Variants in RBMS3 observed in about 807,000 individuals in gnomAD.
The protein encoded by RBMS3 is RNA binding motif single stranded interacting protein 3.
In RBMS3, 27 loss-of-function variants were observed where a neutral mutation model predicts 66.8. The ratio of observed to expected loss-of-function variants is 0.40; its 90% CI spans 0.30 to 0.56. RBMS3 has a LOEUF of 0.56. Ranked by LOEUF, RBMS3 falls within the 20% of genes least tolerant of loss-of-function variation. The probability of loss-of-function intolerance (pLI) is 0.40; values close to 1 mark genes in which losing one functional copy is unlikely to be tolerated. For missense variants in RBMS3, 513 were observed against 549.5 expected (o/e 0.93, Z 0.66); for synonymous variants, 188 against 183.0 (o/e 1.03, Z -0.22).
At chr3:29,391,992 G>A (rs1219307679) in intron 1 of RBMS3, among the ~76,000 whole-genome samples, 1 of 152,190 alleles carries the variant, frequency 6.6e-6, no homozygotes, top group Non-Finnish European at 1.5e-5. Context: ...GCTCACGCCT[G>A]TAATCCCAGC....
intron 4 of RBMS3, among the ~76,000 whole-genome samples, chr3:29,593,478 C>T (rs1180682371): frequency 6.6e-6 from 1 of 152,104 alleles, no homozygotes; most frequent in Non-Finnish European, 1.5e-5. Flanking sequence ...TCCAGGGTAA[C>T]TTGAGCAGGC....
intron 2 of RBMS3, among the ~76,000 whole-genome samples, chr3:29,458,834 A>T (rs1017468828): frequency 6.6e-6 from 1 of 152,210 alleles, no homozygotes; most frequent in Non-Finnish European, 1.5e-5. Context: ...TGTAAGCAGG[A>T]TGAATATTAC....
At chr3:29,780,322 A>C (rs1398591848) in intron 6 of RBMS3, among the ~76,000 whole-genome samples, 1 of 151,430 alleles carries the variant, frequency 6.6e-6, no homozygotes, top group Non-Finnish European at 1.5e-5. Context: ...CAGATAACAA[A>C]AAAAAAAAAA....
At chr3:29,540,939 A>C (rs994042640) in intron 3 of RBMS3, among the ~76,000 whole-genome samples, 22 of 151,880 alleles carry the variant, frequency 1.4e-4, no homozygotes, top group Non-Finnish European at 2.9e-4. Context: ...GTGTTTCCCT[A>C]CTCCCCTAAA....
chr3:30,001,719 G>T (rs979692454), intron 14 of RBMS3, among the ~76,000 whole-genome samples: 7 of 151,608 alleles, frequency 4.6e-5, no homozygotes, highest in Admixed American at 6.6e-5. Context: ...GTTTGCAATT[G>T]ATTTCCATAC....
intron 4 of RBMS3, among the ~76,000 whole-genome samples, chr3:29,622,200 T>C (rs1413530201): frequency 1.3e-5 from 2 of 152,206 alleles, no homozygotes; most frequent in African/African-American, 4.8e-5. Flanking sequence ...AAACAAGGCA[T>C]AAAATGTTCC....
intron 4 of RBMS3, among the ~76,000 whole-genome samples, chr3:29,715,314 G>A (rs2053345265): frequency 6.6e-6 from 1 of 152,124 alleles, no homozygotes; most frequent in African/African-American, 2.4e-5. Flanking sequence ...GGTATAATAT[G>A]CTTCATTCAT....
At chr3:29,605,273 A>C (rs1029177500) in intron 4 of RBMS3, among the ~76,000 whole-genome samples, 2 of 151,878 alleles carry the variant, frequency 1.3e-5, no homozygotes, top group Non-Finnish European at 1.5e-5. Context: ...TATTATAGGC[A>C]TTGACTGGCT....
chr3:29,894,627 C>T (rs2060083514), intron 8 of RBMS3, among the ~76,000 whole-genome samples: 2 of 151,490 alleles, frequency 1.3e-5, no homozygotes, highest in African/African-American at 4.8e-5. Flanking sequence ...CAAAGACAAC[C>T]ACAGTAGGGG....
intron 4 of RBMS3, among the ~76,000 whole-genome samples, chr3:29,645,543 T>A (rs962173207): frequency 6.6e-6 from 1 of 152,234 alleles, no homozygotes; most frequent in Non-Finnish European, 1.5e-5. Flanking sequence ...TTTAGTTAAG[T>A]CATCATGAGG....
chr3:29,546,194 A>C (rs2149022380), intron 3 of RBMS3, among the ~76,000 whole-genome samples: 2 of 147,712 alleles, frequency 1.4e-5, no homozygotes, highest in Admixed American at 1.4e-4. Context: ...TTTTTATTTA[A>C]TTTAGCTACT....
At chr3:29,690,310 C>G (rs1297083208) in intron 4 of RBMS3, among the ~76,000 whole-genome samples, 2 of 151,830 alleles carry the variant, frequency 1.3e-5, no homozygotes, top group Admixed American at 6.6e-5. Flanking sequence ...ATTAGCTGGA[C>G]GTGGTGGCAT....
intron 1 of RBMS3, among the ~76,000 whole-genome samples, chr3:29,337,523 C>A (rs1399820042): frequency 6.6e-6 from 1 of 151,956 alleles, no homozygotes; most frequent in East Asian, 1.9e-4. Context: ...CCTTTTAGTT[C>A]TAGCTACTTG....
rs1291440563 is a variant in RBMS3, at chr3:29,928,211, T to TATATATATATATATATAC, written c.940-7874_940-7873insTATATATATATATATACA. ...ATATATATATATATATATATATATA[T>TATATATATATATATATAC]ACACACACACACACACACACACACA... On this transcript the variant is annotated intron_variant, in intron 10 of 14. Transcript: ENST00000383767. Among the ~76,000 whole-genome samples the TATATATATATATATATAC allele has an allele frequency of 4.3e-5, 4 of 93,494 alleles. No homozygotes were observed. In the East Asian group the frequency reaches 9.2e-4, roughly 22 times the overall value. 61.3% of individuals were successfully genotyped at this position (93,494 alleles called of 152,430 possible).
At chr3:29,368,285 A>G (rs1366468293) in intron 1 of RBMS3, among the ~76,000 whole-genome samples, 1 of 152,144 alleles carries the variant, frequency 6.6e-6, no homozygotes, top group African/African-American at 2.4e-5. Flanking sequence ...TGAACTAGCA[A>G]ATCCTATTAG....
rs547259752 is a variant in RBMS3, at chr3:29,740,276, A to G, written c.557+399A>G. On this transcript the variant is annotated intron_variant, in intron 5 of 14. Transcript: ENST00000383767. ...TCTAAGTGTTTTTGCATTGATTTCC[A>G]AAAAAGGGTGCTAGCATTTCTCAGT... Among the ~76,000 whole-genome samples, 7 of 151,202 alleles carry G rather than the reference A, an allele frequency of 4.6e-5. No individual in the cohort carries two copies. In the South Asian group the frequency reaches 1.2e-3, roughly 27 times the overall value.
At position 29,769,180 on chromosome 3, in the gene RBMS3, AG is replaced by A. The variant is rs565962998; in HGVS notation, c.637+6193del. ...AGCCAGGGTTGAAATTTAGCAAGAG[AG>A]GTATGGAAAAAGACAAGAAGGACAA... On this transcript the variant is annotated intron_variant, in intron 6 of 14. Transcript: ENST00000383767. Among the ~76,000 whole-genome samples, 650 of 151,870 alleles carry A rather than the reference AG, an allele frequency of 4.3e-3. 6 individuals carry two copies. The highest frequency in any genetic ancestry group is 0.015 in the African/African-American group (605 of 41,474).
At chr3:29,304,846 C>G (rs746581518) in intron 1 of RBMS3, among the ~76,000 whole-genome samples, 3 of 151,930 alleles carry the variant, frequency 2.0e-5, no homozygotes, top group Non-Finnish European at 4.4e-5. Flanking sequence ...CCTTGCTGAA[C>G]CTTTCCTTTT....
In RBMS3 at chr3:29,586,967, G is replaced by A. The variant is rs138168579; in HGVS notation, c.308-147G>A. The stretch of plus-strand genomic sequence containing the variant: ...ATGTTATCTCTCCCAAAGCATTAAG[G>A]ACCACTAATCTAAGAGCCTAATGTT... On this transcript the variant is annotated intron_variant, in intron 3 of 14. Coordinates refer to ENST00000383767, the MANE Select transcript of RBMS3 (RefSeq NM_001003793.3). The A allele has an allele frequency of 1.2e-3, 665 of 561,138 alleles. 5 individuals are homozygous for A. The East Asian group carries it at 0.017, about 14-fold the overall frequency. 34.8% of individuals were successfully genotyped at this position (561,138 alleles called of 1,614,324 possible).
Sources: allele counts gnomAD v4.1 joint callset (sites outside exome capture counted in the v4.1 genomes callset), GRCh38; gene constraint gnomAD v4.1.1; transcripts MANE v1.5; gene names NCBI Gene and HGNC (gene_info 2026-07-23, HGNC 2026-07-21).